The following ZNF638 variants were observed in gnomAD, a reference collection of about 807,000 sequenced individuals.
ZNF638 encodes the protein zinc finger protein 638, also known as CTCL tumor antigen se33-1.
A neutral mutation model predicts 195.6 loss-of-function variants in ZNF638; 46 were observed. The ratio of observed to expected loss-of-function variants is 0.24; its 90% CI spans 0.19 to 0.30. The LOEUF is 0.30. Among genes scored for constraint, ZNF638 ranks in the 10% least tolerant of loss-of-function variants. The pLI is 1.00. For missense variants in ZNF638, 2,440 were observed against 2,325.3 expected (o/e 1.05, Z -1.01); for synonymous variants, 845 against 772.0 (o/e 1.09, Z -1.57).
chr2:71,428,668 G>A lies in ZNF638; in HGVS notation c.5650+17G>A. The A allele has an allele frequency of 8.8e-6, 14 of 1,590,922 alleles. No individual in the cohort carries two copies. Among genetic ancestry groups the A allele is most frequent in the Non-Finnish European group, 1.1e-5 (13 of 1,161,594 alleles). On this transcript the variant is annotated intron_variant, in intron 25 of 27. Transcript: ENST00000264447. ...TGAGTGAAGGTAAAGCAGGATTGTTGGAATGGGAAGGAAAGTTACACAACA... is the reference window on the plus strand; with the variant it reads ...TGAGTGAAGGTAAAGCAGGATTGTTAGAATGGGAAGGAAAGTTACACAACA...
chr2:71,380,229 A>C lies in ZNF638; in HGVS notation c.2273A>C (p.Glu758Ala). 6.5e-7 allele frequency: 1 copy of C among 1,548,672 alleles called. No homozygotes were observed. The highest frequency in any genetic ancestry group is 2.2e-5 in the Admixed American group (1 of 45,744). Residue 758 changes from glutamate to alanine, a missense_variant, in exon 9 of 28, where the codon GAG (glutamate) becomes GCG (alanine). Glu to Ala is a moderately radical substitution (Grantham distance 107). Around this residue, in one of 5 missense-constraint regions of ZNF638, gnomAD observed 1,883 missense variants for 1,739.1 expected, o/e 1.08. Transcript: ENST00000264447. ...VPGKKKAQNK[E>A]VKKKTLESKK... Reference sequence around the variant, plus strand: ...AATATTTTTCCTACGTAGAACAAAGAGGTGAAGAAAAAGACTTTAGAGTCA... The same window carrying C: ...AATATTTTTCCTACGTAGAACAAAGCGGTGAAGAAAAAGACTTTAGAGTCA...
chr2:71,390,739 G>A (rs1286550186), intron 10 of ZNF638, among the ~76,000 whole-genome samples: 3 of 152,158 alleles, frequency 2.0e-5, no homozygotes, highest in Admixed American at 1.3e-4. Context: ...TGAATATTTC[G>A]ATTATTAGTT....
chr2:71,418,511 A>G, intron 20 of ZNF638, 91 bp from the exon 21 acceptor site: 1 of 779,428 alleles, frequency 1.3e-6, no homozygotes, highest in Non-Finnish European at 1.9e-6. Context: ...TTTTTTTTTG[A>G]GCTTAAATTT....
intron 1 of ZNF638, among the ~76,000 whole-genome samples, chr2:71,348,019 C>T (rs1287046635): frequency 6.6e-6 from 1 of 152,170 alleles, no homozygotes; most frequent in African/African-American, 2.4e-5. Flanking sequence ...GACACGTGGA[C>T]AGTGCTCTAT....
intron 21 of ZNF638, among the ~76,000 whole-genome samples, chr2:71,420,091 T>C (rs2080398200): frequency 6.6e-6 from 1 of 150,766 alleles, no homozygotes; most frequent in African/African-American, 2.4e-5. Context: ...CTATTTGTTG[T>C]TTTTGTTGTG....
chr2:71,424,136 CA>C, intron 22 of ZNF638, 98 bp downstream of exon 22: 1 of 1,449,238 alleles, frequency 6.9e-7, no homozygotes, highest in South Asian at 1.4e-5. Context: ...TTCATACTTT[CA>C]TCTCCTCACT....
At chr2:71,332,772 G>A (rs558343962) in intron 1 of ZNF638, 1 of 152,180 alleles carries the variant, frequency 6.6e-6, no homozygotes, top group Non-Finnish European at 1.5e-5. Flanking sequence ...CATGGATTGA[G>A]CTATAGAGTG....
chr2:71,332,061 A>C (rs927670704), intron 1 of ZNF638, among the ~76,000 whole-genome samples, 186 bp downstream of exon 1: 6 of 151,968 alleles, frequency 3.9e-5, no homozygotes, highest in Non-Finnish European at 8.8e-5. Flanking sequence ...ATGGGAAGGG[A>C]AGCTGTGCTG....
At position 71,361,279 on chromosome 2, in the gene ZNF638, C is replaced by T. The variant is rs1178855941; in HGVS notation, c.1380-1874C>T. Among the ~76,000 whole-genome samples, 5 of 152,184 alleles carry T rather than the reference C, an allele frequency of 3.3e-5. No homozygotes were observed. In the East Asian group the frequency reaches 9.6e-4, roughly 29 times the overall value. ...TTATTACCAGCTCTTGAATATTAGT[C>T]TTCAAGCTCTTGTGAACCATAAACT... On this transcript the variant is annotated intron_variant, in intron 3 of 27. Transcript: ENST00000264447.
In ZNF638 at chr2:71,349,836, A is replaced by T. The variant is rs760486428; in HGVS notation, c.882A>T (p.Ser294=). 1 of 1,614,216 alleles carries T rather than the reference A, an allele frequency of 6.2e-7. No individual in the cohort carries two copies. The highest frequency in any genetic ancestry group is 8.5e-7 in the Non-Finnish European group (1 of 1,180,042). The change falls in exon 2 of 28, where the codon TCA becomes TCT. Residue 294 remains serine (S), a synonymous_variant. Transcript: ENST00000264447. ...CAGTTGAGAGTGGAACCAAGATGTC[A>T]GGCTTACACATTTCAGGAGGACAGT... ...FFSVESGTKM[S]GLHISGGQSV...
intron 20 of ZNF638, among the ~76,000 whole-genome samples, chr2:71,417,467 G>A (rs1368725099): frequency 6.6e-6 from 1 of 152,138 alleles, no homozygotes; most frequent in Non-Finnish European, 1.5e-5. Flanking sequence ...GCTGTAGACC[G>A]GAGCTGTTCC....
Position 71,333,878 on chromosome 2 carries a change from T to G in ZNF638, c.-203+2003T>G, listed in dbSNP as rs539408768. ...CTTGGCACATACTAGGTGCTTAATG[T>G]TAGCTGTTACTTGTATTTCAAAATT... On this transcript the variant is annotated intron_variant, in intron 1 of 27. Transcript: ENST00000264447. Among the ~76,000 whole-genome samples the G allele has an allele frequency of 8.5e-5, 13 of 152,362 alleles. No homozygotes were observed. In the East Asian group the frequency reaches 2.5e-3, roughly 29 times the overall value.
At chr2:71,424,110 GGAGAT>G in intron 22 of ZNF638, 72 bp downstream of exon 22, 1 of 1,521,354 alleles carries the variant, frequency 6.6e-7, no homozygotes, top group East Asian at 2.3e-5. Context: ...CTATGTAGTA[GGAGAT>G]GTAATTTTGT....
intron 1 of ZNF638, among the ~76,000 whole-genome samples, chr2:71,336,863 A>C (rs2078680269): frequency 6.6e-6 from 1 of 152,158 alleles, no homozygotes; most frequent in African/African-American, 2.4e-5. Context: ...TACCTCTCTA[A>C]AGCTGAATTA....
At chr2:71,403,777 G>A in intron 16 of ZNF638, 93 bp from the exon 17 acceptor site, 1 of 873,982 alleles carries the variant, frequency 1.1e-6, no homozygotes. Context: ...CAATCCACTT[G>A]ACGTTTGAAG....
In ZNF638 at chr2:71,402,162, AAAAAG is replaced by A. The variant is rs142603279; in HGVS notation, c.2829+81_2829+85del. 1.4e-3 allele frequency: 2,030 copies of A among 1,466,910 alleles called. 26 individuals are homozygous for A. The African/African-American group carries it at 0.025, about 18-fold the overall frequency. The allele number at this position is 1,466,910 out of a possible 1,614,324, so 90.9% of individuals were successfully genotyped here. A position where few individuals can be genotyped will look rare whatever the true frequency, so the allele number is the denominator to read the frequency against. ...TGAAAAACATTAAATTTACAAAACTAAAAAGAAAAGGTTTAAAAGCAGTATCTCAA... is the reference window on the plus strand; with the variant it reads ...TGAAAAACATTAAATTTACAAAACTAAAAAGGTTTAAAAGCAGTATCTCAA... On this transcript the variant is annotated intron_variant, in intron 16 of 27. Coordinates refer to ENST00000264447, the MANE Select transcript of ZNF638 (RefSeq NM_014497.5).
chr2:71,334,135 T>A (rs1351858955), intron 1 of ZNF638, among the ~76,000 whole-genome samples: 2 of 152,202 alleles, frequency 1.3e-5, no homozygotes, highest in Non-Finnish European at 2.9e-5. Flanking sequence ...TCTTTGTATC[T>A]TTCCCAGTGC....
chr2:71,365,913 C>T (rs1034076213), intron 6 of ZNF638, among the ~76,000 whole-genome samples: 4 of 152,102 alleles, frequency 2.6e-5, no homozygotes, highest in African/African-American at 9.7e-5. Context: ...GAGATGGGGT[C>T]TTGCCATGTT....
At chr2:71,430,545 CA>C (rs1170690280) in intron 25 of ZNF638, among the ~76,000 whole-genome samples, 2 of 152,162 alleles carry the variant, frequency 1.3e-5, no homozygotes, top group African/African-American at 4.8e-5. Context: ...TAGCCTGTGT[CA>C]CTCACTAGCT....
Sources: gnomAD v4.1 joint callset for allele counts (sites outside exome capture counted in the v4.1 genomes callset) on GRCh38, gnomAD v4.1.1 for gene constraint, gnomAD v4.1.1 regional missense constraint, MANE v1.5 for transcripts, NCBI Gene and HGNC (gene_info 2026-07-23, HGNC 2026-07-21) for gene names.